Variants in FADS2 observed in about 807,000 individuals in gnomAD.
The protein encoded by FADS2 is acyl-CoA 6-desaturase.
A neutral mutation model predicts 61.2 loss-of-function variants in FADS2; 18 were observed. The observed-to-expected ratio is 0.29, with a 90% CI of 0.20 to 0.44. The LOEUF (loss-of-function observed/expected upper bound fraction) is 0.44. FADS2 is among the 20% of genes least tolerant of loss of function. The pLI is 1.00. For synonymous variants in FADS2, 203 were observed against 223.9 expected, an observed-to-expected ratio of 0.91 and a Z score of 0.83; for missense variants, 322 against 572.7, an observed-to-expected ratio of 0.56 and a Z score of 4.47.
Position 61,865,304 on chromosome 11 carries a change from G to A in FADS2, c.1283+27G>A, listed in dbSNP as rs756540728. 4 of 1,610,180 alleles carry A rather than the reference G, an allele frequency of 2.5e-6. No individual in the cohort carries two copies. The East Asian group carries it at 6.7e-5, about 27-fold the overall frequency. On this transcript the variant is annotated intron_variant, in intron 11 of 11. Coordinates refer to ENST00000278840, the MANE Select transcript of FADS2 (RefSeq NM_004265.4). The surrounding 1 kb of genome is among the most constrained non-coding windows in gnomAD (Gnocchi z 4.1). ...TGAGGGGTGGAGGTCCACAGGCGCT[G>A]GGCCCTGGGATCACCCGTGGTGCAG...
chr11:61,863,126 T>C lies in FADS2; in HGVS notation c.980+57T>C, dbSNP rs185403315. 1.2e-5 allele frequency: 18 copies of C among 1,539,046 alleles called. No homozygotes were observed. The East Asian group carries it at 4.0e-4, about 35-fold the overall frequency. On this transcript the variant is annotated intron_variant, in intron 8 of 11. Coordinates refer to ENST00000278840, the MANE Select transcript of FADS2 (RefSeq NM_004265.4). Reference sequence around the variant, plus strand: ...CCTCCACTGGCACTGATGATGGCTTTGGCATGAGAAGAGGCTCGGACGGCT... The same window carrying C: ...CCTCCACTGGCACTGATGATGGCTTCGGCATGAGAAGAGGCTCGGACGGCT...
chr11:61,833,640 A>T (rs2067147179), intron 1 of FADS2, among the ~76,000 whole-genome samples: 1 of 152,236 alleles, frequency 6.6e-6, no homozygotes, highest in South Asian at 2.1e-4. Context: ...AGTTTGGTAA[A>T]GATGCCTGGC....
At chr11:61,826,324 C>G, upstream of FADS2, 1 of 702,540 alleles carries the variant, frequency 1.4e-6, no homozygotes, top group South Asian at 1.5e-5. Context: ...CGCTGGGGAC[C>G]CCAGGCCCTG....
Position 61,837,661 on chromosome 11 carries a change from C to A in FADS2, c.208-117C>A, listed in dbSNP as rs937746388. On this transcript the variant is annotated intron_variant, in intron 1 of 11. Transcript: ENST00000278840. ...GCATTTGGGGCCAGATCACAGGAGA[C>A]CCCGTTTGGTGTCTGGGTGCACACA... The A allele has an allele frequency of 5.7e-6, 4 of 700,562 alleles. No individual in the cohort carries two copies. The South Asian group carries it at 6.7e-5, about 12-fold the overall frequency. The allele number at this position is 700,562 out of a possible 1,614,324, so 43.4% of individuals were successfully genotyped here.
chr11:61,848,388 G>T, intron 5 of FADS2, 104 bp downstream of exon 5: 1 of 1,565,440 alleles, frequency 6.4e-7, no homozygotes, highest in South Asian at 1.2e-5. Context: ...GGAAGTGTTT[G>T]GCCTGGGCGA....
upstream of FADS2, among the ~76,000 whole-genome samples, chr11:61,825,847 C>T (rs1010300293): frequency 6.6e-6 from 1 of 151,970 alleles, no homozygotes; most frequent in African/African-American, 2.4e-5. Context: ...GAGTAGAGAT[C>T]GCACCACTGC....
rs979330846 is a variant in FADS2 at position 61,816,805 on chromosome 11, C to A, written c.141+379C>A. 2 of 1,497,690 alleles carry A rather than the reference C, an allele frequency of 1.3e-6. No individual in the cohort carries two copies. The highest frequency in any genetic ancestry group is 1.8e-6 in the Non-Finnish European group (2 of 1,133,194). 92.8% of individuals were successfully genotyped at this position (1,497,690 alleles called of 1,614,324 possible). ...CGCCGGGCCAGCAGGGGCTGTCAGGCGCGTGCTCGGGGTCCGCGGGCTCCA... is the reference window on the plus strand; with the variant it reads ...CGCCGGGCCAGCAGGGGCTGTCAGGAGCGTGCTCGGGGTCCGCGGGCTCCA... On this transcript the variant is annotated intron_variant, in intron 1 of 11. Transcript: ENST00000257261. This position sits in a 1 kb window ranked among gnomAD's most constrained non-coding sequence, Gnocchi z 7.0.
rs2066991033 is a variant in FADS2 at position 61,816,907 on chromosome 11, G to A, written c.141+481G>A. ...TTCAGCACCGCAGGGCAGACCGGCGGGCCTCGCAGCGCGCGTTCCCATTGG... is the reference window on the plus strand; with the variant it reads ...TTCAGCACCGCAGGGCAGACCGGCGAGCCTCGCAGCGCGCGTTCCCATTGG... On this transcript the variant is annotated intron_variant, in intron 1 of 11. Transcript: ENST00000257261. This position sits in a 1 kb window ranked among gnomAD's most constrained non-coding sequence, Gnocchi z 7.0. The A allele has an allele frequency of 7.1e-7, 1 of 1,409,684 alleles. No homozygotes were observed. 87.3% of individuals were successfully genotyped at this position (1,409,684 alleles called of 1,614,324 possible).
chr11:61,837,019 G>A (rs1218994452), intron 1 of FADS2, among the ~76,000 whole-genome samples: 1 of 152,196 alleles, frequency 6.6e-6, no homozygotes, highest in African/African-American at 2.4e-5. Context: ...TAGCAATAAT[G>A]ACCACTTTCT....
chr11:61,820,444 A>T (rs972722304), intron 1 of FADS2, among the ~76,000 whole-genome samples: 1 of 152,158 alleles, frequency 6.6e-6, no homozygotes, highest in African/African-American at 2.4e-5. Flanking sequence ...ATGACTTTGC[A>T]TTCATGTTTC....
upstream of FADS2, among the ~76,000 whole-genome samples, chr11:61,824,490 GAA>G (rs1249415405): frequency 0.01 from 96 of 9,252 alleles, 4 homozygotes; most frequent in East Asian, 0.025. Flanking sequence ...GAGAGAGAGA[GAA>G]AGAAAGAAAG....
chr11:61,816,232 C>G (rs1373107150), upstream of FADS2: 1 of 1,593,536 alleles, frequency 6.3e-7, no homozygotes, highest in Non-Finnish European at 8.5e-7. The surrounding 1 kb of genome is among the most constrained non-coding windows in gnomAD (Gnocchi z 7.0). Flanking sequence ...CTAGCCTACC[C>G]AGCTCGGGGT....
upstream of FADS2, among the ~76,000 whole-genome samples, chr11:61,824,598 G>A (rs1166020253): frequency 2.6e-5 from 4 of 152,086 alleles, no homozygotes; most frequent in Non-Finnish European, 5.9e-5. Flanking sequence ...TCACATGGTA[G>A]GTATGGGAAA....
chr11:61,825,545 G>A (rs925120972), upstream of FADS2, among the ~76,000 whole-genome samples: 7 of 151,724 alleles, frequency 4.6e-5, no homozygotes. Flanking sequence ...TTGAACCCAT[G>A]AGGTGGAGGT....
At chr11:61,860,300 C>T (rs557616510) in intron 7 of FADS2, among the ~76,000 whole-genome samples, 6 of 152,292 alleles carry the variant, frequency 3.9e-5, no homozygotes, top group Non-Finnish European at 8.8e-5. Flanking sequence ...GGTTGGGGGA[C>T]CCTGGCTTAG....
chr11:61,863,221 A>G (rs1196206015), intron 8 of FADS2, 61 bp from the exon 9 acceptor site: 3 of 1,476,912 alleles, frequency 2.0e-6, no homozygotes, highest in Non-Finnish European at 2.8e-6. Context: ...GGGAGAGTGG[A>G]TCTGTTCCCA....
chr11:61,841,527 C>G lies in FADS2; in HGVS notation c.618+802C>G, dbSNP rs76401444. 6.3e-3 allele frequency among the ~76,000 whole-genome samples: 947 copies of G among 149,840 alleles called. 14 individuals carry two copies. The highest frequency in any genetic ancestry group is 0.023 in the African/African-American group (917 of 40,568). ...CAGCCTGGGCAACATAGTGAGACCC[C>G]CCCCCATCTCTCAAAAAAAAAAAAG... On this transcript the variant is annotated intron_variant, in intron 4 of 11. Coordinates refer to ENST00000278840, the MANE Select transcript of FADS2 (RefSeq NM_004265.4).
chr11:61,853,117 T>G (rs1317350872), intron 5 of FADS2, among the ~76,000 whole-genome samples: 1 of 152,118 alleles, frequency 6.6e-6, no homozygotes, highest in Non-Finnish European at 1.5e-5. Flanking sequence ...ATAGCACCAC[T>G]GCACTCCAGC....
chr11:61,828,241 A>AG, upstream of FADS2: 1 of 1,433,064 alleles, frequency 7.0e-7, no homozygotes, highest in Non-Finnish European at 9.1e-7. This position sits in a 1 kb window ranked among gnomAD's most constrained non-coding sequence, Gnocchi z 6.4. Context: ...AGGCTGGGGG[A>AG]GGGGGCGCGG....
Sources: gnomAD v4.1 joint callset for allele counts (sites outside exome capture counted in the v4.1 genomes callset) on GRCh38, gnomAD v4.1.1 for gene constraint, Gnocchi (gnomAD v3.1) non-coding constraint, MANE v1.5 for transcripts, NCBI Gene and HGNC (gene_info 2026-07-23, HGNC 2026-07-21) for gene names.